The following AFAP1L2 variants were observed in gnomAD, a reference collection of about 807,000 sequenced individuals.
The protein encoded by AFAP1L2 is actin filament associated protein 1 like 2, also known as actin filament-associated protein 1-like 2.
Under a neutral mutation model 99.3 loss-of-function variants are expected in AFAP1L2, and 46 were observed. That is an observed-to-expected ratio of 0.46 (90% CI 0.37 to 0.59). The LOEUF (loss-of-function observed/expected upper bound fraction) is 0.59. Ranked by LOEUF, AFAP1L2 falls within the 20% of genes least tolerant of loss-of-function variation. AFAP1L2 has a pLI of 0.00. For missense variants in AFAP1L2, 959 were observed against 1,034.9 expected, an observed-to-expected ratio of 0.93 and a Z score of 1.01; for synonymous variants, 397 against 419.1, an observed-to-expected ratio of 0.95 and a Z score of 0.64.
the AFAP1L2 span, among the ~76,000 whole-genome samples, chr10:114,283,663 G>T: frequency 2.1e-3 from 318 of 152,340 alleles, 1 homozygote; most frequent in African/African-American, 7.1e-3. Context: ...CTGTCATATA[G>T]GGTTTTTATA....
chr10:114,390,696 G>A (rs1212261847), intron 1 of AFAP1L2, among the ~76,000 whole-genome samples: 1 of 140,200 alleles, frequency 7.1e-6, no homozygotes, highest in African/African-American at 2.7e-5. Flanking sequence ...ACTCCAGCCT[G>A]GACAACAGGG....
chr10:114,384,549 T>C (rs998862615), intron 1 of AFAP1L2, among the ~76,000 whole-genome samples: 1 of 152,234 alleles, frequency 6.6e-6, no homozygotes, highest in Non-Finnish European at 1.5e-5. Flanking sequence ...AATTTATTTT[T>C]CAAGTGAGAA....
chr10:114,295,087 T>G lies in AFAP1L2; in HGVS notation c.*955A>C. The G allele has an allele frequency of 1.0e-6, 1 of 984,284 alleles. No homozygotes were observed. The highest frequency in any genetic ancestry group is 1.8e-5 in the African/African-American group (1 of 56,898). 61.0% of individuals were successfully genotyped at this position (984,284 alleles called of 1,614,324 possible). A position where few individuals can be genotyped will look rare whatever the true frequency, so the allele number is the denominator to read the frequency against. ...GCACAAGGAACAGCACTGCCAATTT[T>G]AAGAGGGCGATCACCCTAACCAAAA... On this transcript the variant is annotated 3_prime_UTR_variant, in exon 19 of 19. Transcript: ENST00000304129.
At chr10:114,389,761 T>C (rs906025993) in intron 1 of AFAP1L2, among the ~76,000 whole-genome samples, 16 of 152,172 alleles carry the variant, frequency 1.1e-4, no homozygotes, top group African/African-American at 3.6e-4. Flanking sequence ...GAGTCAAACG[T>C]AGGGATAGTC....
At chr10:114,375,089 C>T (rs2054625121) in intron 1 of AFAP1L2, among the ~76,000 whole-genome samples, 1 of 152,088 alleles carries the variant, frequency 6.6e-6, no homozygotes, top group Non-Finnish European at 1.5e-5. Flanking sequence ...TTTTATATGG[C>T]CCTCAAGCCA....
chr10:114,395,931 A>G (rs1025458926), intron 1 of AFAP1L2, among the ~76,000 whole-genome samples: 11 of 152,172 alleles, frequency 7.2e-5, no homozygotes, highest in African/African-American at 1.2e-4. Flanking sequence ...AATATGCACA[A>G]AAACACTGCC....
intron 1 of AFAP1L2, among the ~76,000 whole-genome samples, chr10:114,353,183 T>C (rs1046801043): frequency 2.0e-5 from 3 of 152,220 alleles, no homozygotes; most frequent in African/African-American, 7.2e-5. Context: ...AGTGGGCTTT[T>C]CCTTCCTGGG....
At chr10:114,383,710 G>C (rs1011828709) in intron 1 of AFAP1L2, among the ~76,000 whole-genome samples, 18 of 152,108 alleles carry the variant, frequency 1.2e-4, no homozygotes, top group Non-Finnish European at 2.9e-5. Flanking sequence ...ACAACAAAAA[G>C]AAGAGGAGAA....
At chr10:114,398,738 C>A (rs1471084860) in intron 1 of AFAP1L2, 2 of 1,043,840 alleles carry the variant, frequency 1.9e-6, no homozygotes, top group Non-Finnish European at 2.6e-6. Flanking sequence ...TGCCCAGCTC[C>A]TTGATCTCCC....
intron 7 of AFAP1L2, among the ~76,000 whole-genome samples, chr10:114,313,521 G>A (rs557850421): frequency 7.4e-4 from 113 of 152,256 alleles, no homozygotes; most frequent in Middle Eastern, 6.8e-3. Flanking sequence ...CATCCCCAGT[G>A]TGGTTACGTG....
chr10:114,297,436 G>A lies in AFAP1L2; in HGVS notation c.2114-23C>T, dbSNP rs750907999. The A allele has an allele frequency of 2.6e-5, 41 of 1,607,072 alleles. 1 individual carries two copies. The highest frequency in any genetic ancestry group is 1.6e-4 in the Middle Eastern group (1 of 6,078). ...TGTCTGGAGAGAGAATTATGCAGGT[G>A]TCAGAGAACAGCATCTCAGCCCAGG... On this transcript the variant is annotated intron_variant, in intron 16 of 18. Coordinates refer to ENST00000304129, the MANE Select transcript of AFAP1L2 (RefSeq NM_001001936.3).
chr10:114,286,294 G>T, the AFAP1L2 span: 4 of 1,610,160 alleles, frequency 2.5e-6, no homozygotes, highest in Non-Finnish European at 3.4e-6. Context: ...TGGTGGTTTT[G>T]CTCACTGAGT....
At chr10:114,281,203 G>A in the AFAP1L2 span, 1 of 152,238 alleles carries the variant, frequency 6.6e-6, no homozygotes, top group Non-Finnish European at 1.5e-5. Context: ...AGAACTTTAG[G>A]GAATGTTTCT....
chr10:114,301,559 T>C, intron 12 of AFAP1L2, 94 bp from the exon 13 acceptor site: 1 of 908,852 alleles, frequency 1.1e-6, no homozygotes, highest in Non-Finnish European at 1.8e-6. Context: ...GTGGTTGCCG[T>C]GAAAGTGGTG....
chr10:114,316,891 G>A (rs1054202727), intron 5 of AFAP1L2, among the ~76,000 whole-genome samples: 2 of 152,172 alleles, frequency 1.3e-5, no homozygotes, highest in Non-Finnish European at 2.9e-5. Flanking sequence ...TTCCCACGGA[G>A]GGCTCACTAT....
the AFAP1L2 span, chr10:114,288,824 T>C: frequency 9.3e-7 from 1 of 1,076,780 alleles, no homozygotes; most frequent in South Asian, 1.5e-5. Context: ...TATTCTGCAG[T>C]GAACAGAGCA....
downstream of AFAP1L2, chr10:114,291,194 C>T (rs1394946146): frequency 4.5e-6 from 7 of 1,550,318 alleles, no homozygotes; most frequent in African/African-American, 5.5e-5. Context: ...CACTCCTGTC[C>T]TCAGACTTCA....
intron 1 of AFAP1L2, among the ~76,000 whole-genome samples, chr10:114,345,301 G>A (rs1413493633): frequency 6.6e-6 from 1 of 152,094 alleles, no homozygotes; most frequent in Non-Finnish European, 1.5e-5. Context: ...CAGATGAAGA[G>A]GGCTTTATTA....
At chr10:114,306,148 G>C (rs111862631) in intron 10 of AFAP1L2, among the ~76,000 whole-genome samples, 1 of 113,346 alleles carries the variant, frequency 8.8e-6, no homozygotes, top group Non-Finnish European at 1.9e-5. Context: ...GGAGGGGACG[G>C]GGCTGCAGGA....
Sources: gnomAD v4.1 joint callset for allele counts (sites outside exome capture counted in the v4.1 genomes callset) on GRCh38, gnomAD v4.1.1 for gene constraint, MANE v1.5 for transcripts, NCBI Gene and HGNC (gene_info 2026-07-23, HGNC 2026-07-21) for gene names.